ADSS2: variants seen among roughly 807,000 people sequenced by gnomAD.
ADSS2 encodes the protein adenylosuccinate synthase 2, also known as adenylosuccinate synthetase isozyme 2.
ADSS2 carries 30 observed loss-of-function variants against 60.0 expected under a neutral mutation model. The observed-to-expected ratio is 0.50, with a 90% CI of 0.37 to 0.68. ADSS2 has a LOEUF of 0.68. Ranked by LOEUF, ADSS2 falls within the 30% of genes least tolerant of loss-of-function variation. ADSS2 has a pLI of 0.00. For missense variants in ADSS2, 373 were observed against 554.8 expected, an observed-to-expected ratio of 0.67 and a Z score of 3.29; for synonymous variants, 187 against 193.1, an observed-to-expected ratio of 0.97 and a Z score of 0.26.
Position 244,451,673 on chromosome 1 carries a change from G to C in ADSS2, c.145C>G (p.Leu49Val), listed in dbSNP as rs902288957. The C allele has an allele frequency of 4.3e-6, 7 of 1,611,872 alleles. No homozygotes were observed. In the Admixed American group the frequency reaches 5.0e-5, roughly 12 times the overall value. ...ACGATGTCGGCGTCCTGCGCCAGCAGGTCCACCACCTTCCCTTTGCCTTCG... is the reference window on the plus strand; with the variant it reads ...ACGATGTCGGCGTCCTGCGCCAGCACGTCCACCACCTTCCCTTTGCCTTCG... ...GDEGKGKVVD[L>V]LAQDADIVCR... The change falls in exon 1 of 13, where the codon CTG becomes GTG. Residue 49 changes from leucine (L) to valine (V), a missense_variant. By Grantham distance (32) the Leu-to-Val change is conservative (BLOSUM62 1). Around this residue, in one of 5 missense-constraint regions of ADSS2, gnomAD observed 29 missense variants for 73.3 expected, o/e 0.40. Transcript: ENST00000366535. This position sits in a 1 kb window ranked among gnomAD's most constrained non-coding sequence, Gnocchi z 6.6.
intron 1 of ADSS2, among the ~76,000 whole-genome samples, chr1:244,450,142 G>A (rs368030158): frequency 2.6e-5 from 4 of 152,254 alleles, no homozygotes; most frequent in African/African-American, 9.6e-5. Context: ...CTCGGTATTC[G>A]GATACGTCTT....
At chr1:244,419,937 G>C (rs1664637992) in intron 8 of ADSS2, among the ~76,000 whole-genome samples, 1 of 152,046 alleles carries the variant, frequency 6.6e-6, no homozygotes, top group Admixed American at 6.5e-5. Context: ...CAGACCTACT[G>C]AACTCAAATG....
chr1:244,445,266 C>T (rs1259011285), intron 1 of ADSS2, among the ~76,000 whole-genome samples: 2 of 151,806 alleles, frequency 1.3e-5, no homozygotes, highest in African/African-American at 2.4e-5. Context: ...AAATGATTCA[C>T]AAAAAAAACT....
chr1:244,451,975 G>T (rs1163520363), upstream of ADSS2: 4 of 700,714 alleles, frequency 5.7e-6, no homozygotes, highest in East Asian at 9.8e-5. This position sits in a 1 kb window ranked among gnomAD's most constrained non-coding sequence, Gnocchi z 6.6. Context: ...GCCAGTCCCC[G>T]CCCCGCTCTC....
At chr1:244,410,858 A>G (rs1664395347) in intron 12 of ADSS2, among the ~76,000 whole-genome samples, 1 of 152,240 alleles carries the variant, frequency 6.6e-6, no homozygotes. Context: ...GCATTTATGC[A>G]AATCATGTGC....
At chr1:244,437,876 A>G (rs1665142140) in intron 1 of ADSS2, 108 bp from the exon 2 acceptor site, 1 of 829,550 alleles carries the variant, frequency 1.2e-6, no homozygotes, top group Non-Finnish European at 2.0e-6. Flanking sequence ...AACTTAAGAG[A>G]GCCCAAATAT....
intron 3 of ADSS2, among the ~76,000 whole-genome samples, chr1:244,433,425 A>T (rs1243731390): frequency 2.0e-5 from 3 of 152,234 alleles, no homozygotes; most frequent in African/African-American, 7.2e-5. Context: ...AACCAGTCAC[A>T]TCCAAATAAA....
In ADSS2 at chr1:244,436,830, C is replaced by T. The variant is rs1665113059; in HGVS notation, c.350G>A (p.Gly117Glu). ...GTAGACTCATTCTTTCATACCTTTT[C>T]CTTTTTGAACATTTTTCTCTGCTTC... ...FEEAEKNVQK[G>E]KGLEGWEKRL... is the part of the protein sequence containing the mutation. Residue 117 changes from glycine (G) to glutamate (E), a missense_variant, in exon 3 of 13, where the codon GGA (glycine) becomes GAA (glutamate). Physicochemically the swap from Gly to Glu is moderately conservative, Grantham distance 98. This residue lies in a region of ADSS2 where 139 missense variants were observed against 189.4 expected (regional missense o/e 0.73). Transcript: ENST00000366535. 1 of 1,610,520 alleles carries T rather than the reference C, an allele frequency of 6.2e-7. No individual in the cohort carries two copies. The highest frequency in any genetic ancestry group is 1.3e-5 in the African/African-American group (1 of 74,846).
intron 3 of ADSS2, among the ~76,000 whole-genome samples, chr1:244,436,393 T>G (rs1665101387): frequency 6.6e-6 from 1 of 152,178 alleles, no homozygotes; most frequent in Non-Finnish European, 1.5e-5. Context: ...TTTACTTCAT[T>G]TAGAAGGAGG....
intron 4 of ADSS2, among the ~76,000 whole-genome samples, chr1:244,432,001 C>T (rs1664957368): frequency 6.6e-6 from 1 of 152,180 alleles, no homozygotes; most frequent in African/African-American, 2.4e-5. Flanking sequence ...GTGGTTTTTA[C>T]TTATTTCTTT....
rs372955153 is a variant in ADSS2 at position 244,441,325 on chromosome 1, TG to T, written c.184-3558del. ...CGCCCGCCTCGGCCTTCCAAAGTGC[TG>T]GGATTACAGGCGTGAGCCACTGCGC... On this transcript the variant is annotated intron_variant, in intron 1 of 12. Transcript: ENST00000366535. 5.0e-4 allele frequency among the ~76,000 whole-genome samples: 76 copies of T among 152,322 alleles called. No homozygotes were observed. In the East Asian group the frequency reaches 0.013, roughly 27 times the overall value.
chr1:244,436,090 C>T (rs1045106250), intron 3 of ADSS2, among the ~76,000 whole-genome samples: 10 of 152,140 alleles, frequency 6.6e-5, no homozygotes, highest in African/African-American at 1.4e-4. Context: ...AAACTGTGTG[C>T]GTGCCTATGT....
chr1:244,416,046 A>G lies in ADSS2; in HGVS notation c.1103T>C (p.Met368Thr). The part of the protein sequence containing the change: ...LALTKLDILD[M>T]FTEIKVGVAY... ...AACTCCAACTTTGATTTCCGTAAAC[A>G]TGTCCAAAATATCCAACTTGGTAAG... The change falls in exon 11 of 13, where the codon ATG (methionine) becomes ACG (threonine). Residue 368 changes from methionine to threonine, a missense_variant. By Grantham distance (81) the Met-to-Thr change is moderately conservative. Transcript: ENST00000366535. 6.2e-7 allele frequency: 1 copy of G among 1,613,900 alleles called. No individual in the cohort carries two copies. Among genetic ancestry groups the G allele is most frequent in the Non-Finnish European group, 8.5e-7 (1 of 1,179,926 alleles).
intron 11 of ADSS2, among the ~76,000 whole-genome samples, chr1:244,413,042 G>C (rs111816423): frequency 6.6e-6 from 1 of 152,128 alleles, no homozygotes; most frequent in Non-Finnish European, 1.5e-5. Flanking sequence ...GGAAGGAAAG[G>C]GACTGTATTC....
chr1:244,436,665 C>T (rs1665109153), intron 3 of ADSS2, among the ~76,000 whole-genome samples, 160 bp downstream of exon 3: 1 of 152,196 alleles, frequency 6.6e-6, no homozygotes, highest in South Asian at 2.1e-4. Context: ...GTTTAAAACA[C>T]TGTTTATAAT....
chr1:244,440,408 G>T (rs1161485574), intron 1 of ADSS2, among the ~76,000 whole-genome samples: 2 of 152,132 alleles, frequency 1.3e-5, no homozygotes, highest in African/African-American at 4.8e-5. Context: ...AGAACTCTTT[G>T]AAGACTAATG....
chr1:244,451,953 C>A, upstream of ADSS2: 1 of 918,872 alleles, frequency 1.1e-6, no homozygotes, highest in South Asian at 1.9e-5. The surrounding 1 kb of genome is among the most constrained non-coding windows in gnomAD (Gnocchi z 6.6). Context: ...CCCGCCGGGC[C>A]GCCACCCTCC....
intron 4 of ADSS2, among the ~76,000 whole-genome samples, chr1:244,431,812 G>A (rs1488714604): frequency 6.6e-6 from 1 of 152,170 alleles, no homozygotes; most frequent in Non-Finnish European, 1.5e-5. Flanking sequence ...GTCTGTGGCT[G>A]TTATCTGGAG....
At position 244,435,713 on chromosome 1, in the gene ADSS2, C is replaced by T. The variant is rs370652725; in HGVS notation, c.355+1112G>A. On this transcript the variant is annotated intron_variant, in intron 3 of 12. Coordinates refer to ENST00000366535, the MANE Select transcript of ADSS2 (RefSeq NM_001126.5). ...TTTACCAACACCAACATTCTTGACTCTGAATTTATATGCTACTGATGAGTA... is the reference window on the plus strand; with the variant it reads ...TTTACCAACACCAACATTCTTGACTTTGAATTTATATGCTACTGATGAGTA... Among the ~76,000 whole-genome samples, 34 of 152,314 alleles carry T rather than the reference C, an allele frequency of 2.2e-4. No individual in the cohort carries two copies. The East Asian group carries it at 6.2e-3, about 28-fold the overall frequency.
Sources: allele counts gnomAD v4.1 joint callset (sites outside exome capture counted in the v4.1 genomes callset), GRCh38; gene constraint gnomAD v4.1.1; regional missense constraint gnomAD v4.1.1; non-coding constraint Gnocchi (gnomAD v3.1); transcripts MANE v1.5; gene names NCBI Gene and HGNC (gene_info 2026-07-23, HGNC 2026-07-21).